Variants in PM20D2 observed in about 807,000 individuals in gnomAD.
The protein encoded by PM20D2 is xaa-Arg dipeptidase.
PM20D2 carries 33 observed loss-of-function variants against 42.9 expected under a neutral mutation model. That is an observed-to-expected ratio of 0.77 (90% CI 0.58 to 1.03). The LOEUF (loss-of-function observed/expected upper bound fraction) is 1.03, where lower values mean the gene tolerates loss of function less well. Among genes scored for constraint, PM20D2 ranks in the 50% least tolerant of loss-of-function variants. The pLI, the probability that PM20D2 is intolerant of heterozygous loss-of-function variation, is 0.00. For missense variants in PM20D2, 548 were observed against 557.0 expected, an observed-to-expected ratio of 0.98 and a Z score of 0.16; for synonymous variants, 250 against 228.2, an observed-to-expected ratio of 1.10 and a Z score of -0.86.
chr6:89,151,337 C>T (rs1337431944), intron 2 of PM20D2, among the ~76,000 whole-genome samples: 2 of 150,834 alleles, frequency 1.3e-5, no homozygotes, highest in East Asian at 2.0e-4. Flanking sequence ...TCAAGGGATT[C>T]TCCTGCCTCA....
the PM20D2 span, among the ~76,000 whole-genome samples, chr6:89,112,556 G>A: frequency 4.7e-5 from 7 of 150,350 alleles, no homozygotes; most frequent in African/African-American, 1.7e-4. Flanking sequence ...AGGACTACAG[G>A]CACGCATCAC....
chr6:89,106,869 C>T, the PM20D2 span: 1 of 437,288 alleles, frequency 2.3e-6, no homozygotes, highest in South Asian at 1.7e-5. Flanking sequence ...TCCCCTCTTC[C>T]AGGTCTTTAT....
the PM20D2 span, among the ~76,000 whole-genome samples, chr6:89,116,230 T>C: frequency 2.0e-5 from 3 of 152,214 alleles, no homozygotes; most frequent in African/African-American, 4.8e-5. Flanking sequence ...CTGTGAACCA[T>C]TAGAATTGGA....
Position 89,146,264 on chromosome 6 carries a change from C to T in PM20D2, c.120C>T (p.Ala40=). The T allele has an allele frequency of 6.3e-7, 1 of 1,580,860 alleles. No homozygotes were observed. Among genetic ancestry groups the T allele is most frequent in the Non-Finnish European group, 8.5e-7 (1 of 1,171,548 alleles). The change falls in exon 1 of 7, where the codon GCC becomes GCT. Residue 40 remains alanine, a synonymous_variant. Transcript: ENST00000275072. ...ACGAGGCGGCCGAGCGGCTGGGGGC[C>T]CTGAGCCGCGCGATCTGGAGCCAGC... ...CIDEAAERLG[A]LSRAIWSQPE...
In PM20D2 at chr6:89,162,315, T is replaced by G. The variant is rs766546564; in HGVS notation, c.*52T>G. Reference sequence around the variant, plus strand: ...AGAAGACGTGATGATTTTTTTCTTTTAATCTCTTTTAATGAAGGCATGCTT... The same window carrying G: ...AGAAGACGTGATGATTTTTTTCTTTGAATCTCTTTTAATGAAGGCATGCTT... On this transcript the variant is annotated 3_prime_UTR_variant, in exon 7 of 7. Transcript: ENST00000275072. The G allele has an allele frequency of 6.6e-7, 1 of 1,512,126 alleles. No individual in the cohort carries two copies. The highest frequency in any genetic ancestry group is 9.0e-7 in the Non-Finnish European group (1 of 1,115,822). 93.7% of individuals were successfully genotyped at this position (1,512,126 alleles called of 1,614,324 possible).
the PM20D2 span, chr6:89,106,864 T>A: frequency 2.4e-6 from 1 of 422,054 alleles, no homozygotes; most frequent in Non-Finnish European, 4.6e-6. Context: ...AGACTTCCCC[T>A]CTTCCAGGTC....
chr6:89,102,344 A>G, the PM20D2 span, among the ~76,000 whole-genome samples: 1 of 152,114 alleles, frequency 6.6e-6, no homozygotes. Flanking sequence ...GGGTTTCGCC[A>G]TGTTGGCCAG....
the PM20D2 span, among the ~76,000 whole-genome samples, chr6:89,101,831 G>C: frequency 1.3e-5 from 2 of 152,102 alleles, no homozygotes. Context: ...CATTTTTAAA[G>C]AGAAAAATAA....
chr6:89,101,646 C>T, the PM20D2 span, among the ~76,000 whole-genome samples: 1 of 151,730 alleles, frequency 6.6e-6, no homozygotes, highest in Non-Finnish European at 1.5e-5. Context: ...TGTAGTGAGC[C>T]GAGATTGTGC....
the PM20D2 span, among the ~76,000 whole-genome samples, chr6:89,111,680 C>T: frequency 6.6e-6 from 1 of 152,038 alleles, no homozygotes; most frequent in Non-Finnish European, 1.5e-5. Flanking sequence ...AAAACGTTGG[C>T]GGTTGTGAGT....
the PM20D2 span, among the ~76,000 whole-genome samples, chr6:89,131,627 C>T: frequency 6.6e-6 from 1 of 152,106 alleles, no homozygotes; most frequent in African/African-American, 2.4e-5. Flanking sequence ...GCAGGCATAA[C>T]TGGAGAGGCC....
At chr6:89,145,499 C>T (rs1770497407), upstream of PM20D2, among the ~76,000 whole-genome samples, 1 of 152,160 alleles carries the variant, frequency 6.6e-6, no homozygotes, top group African/African-American at 2.4e-5. Flanking sequence ...ATAGCTAATA[C>T]ATACCAAGAG....
the PM20D2 span, among the ~76,000 whole-genome samples, chr6:89,128,489 G>A: frequency 6.8e-6 from 1 of 146,616 alleles, no homozygotes; most frequent in Non-Finnish European, 1.5e-5. Flanking sequence ...CTTATCAGTA[G>A]TTCTGCTTTT....
the PM20D2 span, among the ~76,000 whole-genome samples, chr6:89,118,962 C>G: frequency 6.6e-6 from 1 of 152,234 alleles, no homozygotes; most frequent in East Asian, 1.9e-4. Context: ...GGCCGGCAGG[C>G]ACAGCCTGTT....
chr6:89,096,425 A>C, the PM20D2 span: 13 of 152,230 alleles, frequency 8.5e-5, no homozygotes, highest in Non-Finnish European at 1.9e-4. Flanking sequence ...TGAATAACTT[A>C]AGACATATAG....
chr6:89,121,726 C>G, the PM20D2 span, among the ~76,000 whole-genome samples: 1 of 152,076 alleles, frequency 6.6e-6, no homozygotes, highest in Non-Finnish European at 1.5e-5. Flanking sequence ...GACAACTGTT[C>G]CCATAACAAA....
At chr6:89,157,105 GT>G (rs1042491674) in intron 4 of PM20D2, among the ~76,000 whole-genome samples, 35 of 151,904 alleles carry the variant, frequency 2.3e-4, no homozygotes, top group Non-Finnish European at 4.7e-4. Flanking sequence ...TATTTTTAAA[GT>G]TTTTTGTAGA....
the PM20D2 span, among the ~76,000 whole-genome samples, chr6:89,136,610 G>A: frequency 8.4e-3 from 1,274 of 150,862 alleles, 96 homozygotes; most frequent in African/African-American, 0.027. Flanking sequence ...TCTGGGAGGC[G>A]GAGCTTGCAG....
In PM20D2 at chr6:89,146,067, G is replaced by C; in HGVS notation, c.-78G>C. The C allele has an allele frequency of 7.8e-7, 1 of 1,276,808 alleles. No homozygotes were observed. The highest frequency in any genetic ancestry group is 1.0e-6 in the Non-Finnish European group (1 of 991,242). The allele number at this position is 1,276,808 out of a possible 1,614,324, so 79.1% of individuals were successfully genotyped here. On this transcript the variant is annotated 5_prime_UTR_variant, in exon 1 of 7. Transcript: ENST00000275072. Reference sequence around the variant, plus strand: ...CTCCGCCGGGGTCCTGGAGGCCTCTGGGCGCGTGCGCGGGCGGTCGCTACC... The same window carrying C: ...CTCCGCCGGGGTCCTGGAGGCCTCTCGGCGCGTGCGCGGGCGGTCGCTACC...
Sources: gnomAD v4.1 joint callset for allele counts (sites outside exome capture counted in the v4.1 genomes callset) on GRCh38, gnomAD v4.1.1 for gene constraint, MANE v1.5 for transcripts, NCBI Gene and HGNC (gene_info 2026-07-23, HGNC 2026-07-21) for gene names.